Variants in CNTN5 observed in about 807,000 individuals in gnomAD.
The protein encoded by CNTN5 is contactin-5.
CNTN5 carries 77 observed loss-of-function variants against 129.1 expected under a neutral mutation model. That is an observed-to-expected ratio of 0.60 (90% CI 0.50 to 0.72). CNTN5 has a LOEUF of 0.72. Among genes scored for constraint, CNTN5 ranks in the 30% least tolerant of loss-of-function variants. The pLI is 0.00. For missense variants in CNTN5, 1,478 were observed against 1,328.8 expected, an observed-to-expected ratio of 1.11 and a Z score of -1.75; for synonymous variants, 509 against 465.6, an observed-to-expected ratio of 1.09 and a Z score of -1.20.
chr11:99,513,456 C>T (rs1946919787), intron 2 of CNTN5, among the ~76,000 whole-genome samples: 1 of 152,096 alleles, frequency 6.6e-6, no homozygotes, highest in Admixed American at 6.6e-5. Context: ...GAAGAAGATG[C>T]CGTCTAGGAC....
intron 6 of CNTN5, among the ~76,000 whole-genome samples, chr11:99,865,203 C>G (rs1293261123): frequency 1.3e-5 from 2 of 152,032 alleles, no homozygotes; most frequent in African/African-American, 4.8e-5. Context: ...TAGCATCATA[C>G]CTTGTTATAT....
At chr11:99,673,333 C>G (rs1029424731) in intron 3 of CNTN5, among the ~76,000 whole-genome samples, 1 of 152,140 alleles carries the variant, frequency 6.6e-6, no homozygotes. Context: ...CACTACCAAT[C>G]TTACAGTCCT....
chr11:100,154,181 G>T (rs148587832), intron 13 of CNTN5, among the ~76,000 whole-genome samples: 1 of 151,744 alleles, frequency 6.6e-6, no homozygotes, highest in Non-Finnish European at 1.5e-5. Flanking sequence ...GTTTACTGCC[G>T]CTAATGAGGA....
intron 3 of CNTN5, among the ~76,000 whole-genome samples, chr11:99,710,710 C>A (rs1378165264): frequency 2.0e-5 from 3 of 151,220 alleles, no homozygotes; most frequent in Admixed American, 6.6e-5. Context: ...CTACACAGTT[C>A]AATATTAAAG....
chr11:99,856,060 A>G (rs902838920), intron 6 of CNTN5, among the ~76,000 whole-genome samples: 3 of 152,214 alleles, frequency 2.0e-5, no homozygotes, highest in African/African-American at 4.8e-5. Context: ...GAGGATAACA[A>G]TTCTTTCTAA....
At chr11:99,045,919 G>C (rs1034436546) in intron 1 of CNTN5, among the ~76,000 whole-genome samples, 1 of 152,140 alleles carries the variant, frequency 6.6e-6, no homozygotes, top group Non-Finnish European at 1.5e-5. Context: ...AGTAGCAGGT[G>C]AGAATAAATC....
intron 3 of CNTN5, among the ~76,000 whole-genome samples, chr11:99,651,178 T>C (rs1238082178): frequency 1.3e-5 from 2 of 151,938 alleles, no homozygotes; most frequent in Admixed American, 6.6e-5. Context: ...TCACAGCTCA[T>C]GTAGCCTGAA....
chr11:99,126,524 C>T (rs1328136501), intron 1 of CNTN5, among the ~76,000 whole-genome samples: 4 of 152,130 alleles, frequency 2.6e-5, no homozygotes, highest in African/African-American at 9.7e-5. Flanking sequence ...TGTGGTGTTT[C>T]TCTCTCTTTG....
intron 6 of CNTN5, among the ~76,000 whole-genome samples, chr11:99,909,821 G>GT (rs1949608992): frequency 6.6e-6 from 1 of 151,806 alleles, no homozygotes; most frequent in African/African-American, 2.4e-5. Context: ...TGGGGTGGGG[G>GT]GAGAGGGGAG....
chr11:99,607,436 A>G (rs1334782447), intron 3 of CNTN5, among the ~76,000 whole-genome samples: 2 of 135,052 alleles, frequency 1.5e-5, no homozygotes, highest in Non-Finnish European at 3.2e-5. Context: ...AATCATTAAA[A>G]AGTCAGGAAA....
At chr11:99,112,924 G>A (rs1346957659) in intron 1 of CNTN5, among the ~76,000 whole-genome samples, 1 of 151,686 alleles carries the variant, frequency 6.6e-6, no homozygotes, top group Admixed American at 6.6e-5. Context: ...AATTTGAATA[G>A]GATTGTACTA....
chr11:99,128,189 G>C (rs1388826615), intron 1 of CNTN5, among the ~76,000 whole-genome samples: 3 of 152,130 alleles, frequency 2.0e-5, no homozygotes, highest in African/African-American at 7.2e-5. Context: ...AGACCCACTG[G>C]GTTGAAATCC....
At chr11:99,970,272 A>G (rs1029777121) in intron 8 of CNTN5, among the ~76,000 whole-genome samples, 4 of 152,326 alleles carry the variant, frequency 2.6e-5, no homozygotes, top group African/African-American at 9.6e-5. Context: ...AAACATTGCC[A>G]TATTCTAGAT....
chr11:99,293,078 C>A (rs558636366), intron 1 of CNTN5, among the ~76,000 whole-genome samples: 1 of 151,710 alleles, frequency 6.6e-6, no homozygotes, highest in East Asian at 2.0e-4. Flanking sequence ...TCATATATGA[C>A]CTGTATTGAG....
At chr11:99,512,994 G>T (rs538260229) in intron 2 of CNTN5, among the ~76,000 whole-genome samples, 1 of 152,286 alleles carries the variant, frequency 6.6e-6, no homozygotes, top group Non-Finnish European at 1.5e-5. Context: ...TAGGCCAAGA[G>T]TGAGGCCTCT....
intron 13 of CNTN5, among the ~76,000 whole-genome samples, chr11:100,087,269 T>G (rs11828264): frequency 6.6e-6 from 1 of 151,650 alleles, no homozygotes; most frequent in Non-Finnish European, 1.5e-5. Context: ...AAAAATGATA[T>G]TTCAAATTGA....
At chr11:99,415,327 G>A (rs1426752702) in intron 2 of CNTN5, among the ~76,000 whole-genome samples, 7 of 151,464 alleles carry the variant, frequency 4.6e-5, no homozygotes, top group Admixed American at 4.6e-4. Context: ...AAAAAAAAAT[G>A]TGTGATCTAA....
intron 1 of CNTN5, among the ~76,000 whole-genome samples, chr11:99,101,525 A>G (rs928114821): frequency 6.6e-6 from 1 of 152,236 alleles, no homozygotes; most frequent in African/African-American, 2.4e-5. Flanking sequence ...GGGTACAGAC[A>G]TTGGGTAAAT....
chr11:100,273,719 C>A (rs945335525), intron 18 of CNTN5, among the ~76,000 whole-genome samples: 111 of 152,196 alleles, frequency 7.3e-4, no homozygotes, highest in African/African-American at 2.5e-3. Flanking sequence ...TGGTGAATGT[C>A]CCCAGGGAGA....
Sources: gnomAD v4.1 joint callset for allele counts (sites outside exome capture counted in the v4.1 genomes callset) on GRCh38, gnomAD v4.1.1 for gene constraint, MANE v1.5 for transcripts, NCBI Gene and HGNC (gene_info 2026-07-23, HGNC 2026-07-21) for gene names.